Variants in UNC13D observed in about 807,000 individuals in gnomAD.
UNC13D encodes unc-13 homolog D.
A neutral mutation model predicts 151.7 loss-of-function variants in UNC13D; 115 were observed. The observed-to-expected ratio is 0.76, with a 90% CI of 0.65 to 0.88. The LOEUF is 0.88. UNC13D is among the 40% of genes least tolerant of loss of function. UNC13D has a pLI of 0.00. For missense variants in UNC13D, 1,369 were observed against 1,438.7 expected, an observed-to-expected ratio of 0.95 and a Z score of 0.78; for synonymous variants, 588 against 612.2, an observed-to-expected ratio of 0.96 and a Z score of 0.58.
intron 12 of UNC13D, among the ~76,000 whole-genome samples, chr17:75,837,690 G>T (rs1482534898): frequency 6.7e-6 from 1 of 148,282 alleles, no homozygotes; most frequent in Non-Finnish European, 1.5e-5. Context: ...GGAGGCAGAA[G>T]TTGCAGTGAG....
chr17:75,838,287 C>T (rs558081490), intron 12 of UNC13D, among the ~76,000 whole-genome samples: 74 of 151,172 alleles, frequency 4.9e-4, no homozygotes, highest in Middle Eastern at 6.8e-3. Context: ...GGTGTGATCT[C>T]AGGTCACTGC....
At position 75,830,462 on chromosome 17, in the gene UNC13D, C is replaced by T. The variant is rs770414873; in HGVS notation, c.2730G>A (p.Glu910=). 11 of 1,589,934 alleles carry T rather than the reference C, an allele frequency of 6.9e-6. 1 individual carries two copies. The South Asian group carries it at 1.3e-4, about 18-fold the overall frequency. ...IQQQAETTSE[E]LGAVTVKASY... is the part of the protein sequence containing the mutation. ...AGGCCTTGACTGTCACAGCCCCCAG[C>T]TCCTCAGAGGTGGTTTCTGCCTGGG... Residue 910 remains glutamate (E), a synonymous_variant, in exon 29 of 32, where the codon GAG becomes GAA. Transcript: ENST00000207549.
intron 31 of UNC13D, among the ~76,000 whole-genome samples, 190 bp from the exon 32 acceptor site, chr17:75,828,276 AACAG>A (rs796243426): frequency 6.6e-5 from 10 of 152,230 alleles, no homozygotes; most frequent in Admixed American, 2.6e-4. Flanking sequence ...CGGGTCGCGT[AACAG>A]ACAGAGTGCT....
Position 75,835,440 on chromosome 17 carries a change from G to A in UNC13D, c.1817C>T (p.Ala606Val), listed in dbSNP as rs750548504. 18 of 1,612,770 alleles carry A rather than the reference G, an allele frequency of 1.1e-5. No homozygotes were observed. The highest frequency in any genetic ancestry group is 1.7e-4 in the Middle Eastern group (1 of 5,984). ...CATCTGCACAGCGCGCTGCACCCGC[G>A]CCAGGGCCTCGTTGTACGTCTTCTG... is the stretch of plus-strand genomic sequence containing the variant. Reference protein sequence around the residue: ...WLQKTYNEALARVQRAVQMDE... With the variant: ...WLQKTYNEALVRVQRAVQMDE... The change falls in exon 20 of 32, where the codon GCG becomes GTG. Residue 606 changes from alanine to valine, a missense_variant. By Grantham distance (64) the Ala-to-Val change is moderately conservative. Transcript: ENST00000207549.
chr17:75,835,024 C>T lies in UNC13D; in HGVS notation c.1888G>A (p.Ala630Thr). ...LGELTKHSTS[A>T]VDLSTCFAQI... ...GCAAAGCAGGTGGATAGATCCACCG[C>T]TGATGTGCTGTGCTTGGTCAGTTCA... is the stretch of plus-strand genomic sequence containing the variant. The change falls in exon 21 of 32, where the codon GCG becomes ACG. Residue 630 changes from alanine to threonine, a missense_variant. Transcript: ENST00000207549. 6.2e-7 allele frequency: 1 copy of T among 1,614,040 alleles called. No individual in the cohort carries two copies.
At position 75,836,614 on chromosome 17, in the gene UNC13D, A is replaced by G; in HGVS notation, c.1256T>C (p.Leu419Pro). The change falls in exon 14 of 32, where the codon CTC becomes CCC. Residue 419 changes from leucine (L) to proline (P), a missense_variant. Physicochemically the swap from Leu to Pro is moderately conservative, Grantham distance 98. Coordinates refer to ENST00000207549, the MANE Select transcript of UNC13D (RefSeq NM_199242.3). Reference protein sequence around the residue: ...LIRRFRSVFPLSVSDSPARLQ... With the variant: ...LIRRFRSVFPPSVSDSPARLQ... Reference sequence around the variant, plus strand: ...CCGGGCTGGGGAGTCCGAGACAGAGAGGGGGAAGACAGAGCGGAACCTCCG... The same window carrying G: ...CCGGGCTGGGGAGTCCGAGACAGAGGGGGGGAAGACAGAGCGGAACCTCCG... The G allele has an allele frequency of 6.2e-7, 1 of 1,613,654 alleles. No homozygotes were observed. The highest frequency in any genetic ancestry group is 8.5e-7 in the Non-Finnish European group (1 of 1,179,974).
chr17:75,837,754 CAA>C (rs56040848), intron 12 of UNC13D, among the ~76,000 whole-genome samples: 7 of 125,194 alleles, frequency 5.6e-5, no homozygotes, highest in African/African-American at 6.4e-5. Context: ...AACTCCAGCT[CAA>C]AAAAAAAAAA....
chr17:75,835,751 C>G lies in UNC13D; in HGVS notation c.1623G>C (p.Thr541=), dbSNP rs977499810. 1 of 1,613,774 alleles carries G rather than the reference C, an allele frequency of 6.2e-7. No individual in the cohort carries two copies. Among genetic ancestry groups the G allele is most frequent in the Non-Finnish European group, 8.5e-7 (1 of 1,180,044 alleles). The change falls in exon 19 of 32, where the codon ACG becomes ACC. Residue 541 remains threonine, a synonymous_variant. Coordinates refer to ENST00000207549, the MANE Select transcript of UNC13D (RefSeq NM_199242.3). ...GGGACACTACATCACCCACAACCGT[C>G]GTGTGGTCCTGCACCCGCTTGGCCA... ...WLVAKRVQDH[T]TVVGDVVSPE...
In UNC13D at chr17:75,827,526, T is replaced by C; in HGVS notation, c.*439A>G. 6.5e-7 allele frequency: 1 copy of C among 1,531,438 alleles called. No homozygotes were observed. Among genetic ancestry groups the C allele is most frequent in the Non-Finnish European group, 8.7e-7 (1 of 1,143,958 alleles). 94.9% of individuals were successfully genotyped at this position (1,531,438 alleles called of 1,614,324 possible). A position where few individuals can be genotyped will look rare whatever the true frequency, so the allele number is the denominator to read the frequency against. On this transcript the variant is annotated 3_prime_UTR_variant, in exon 32 of 32. Transcript: ENST00000207549. The stretch of plus-strand genomic sequence containing the variant: ...AGCTGGAGCCTCATCTTTGGCAGGG[T>C]CCCCTCTCCCTTTTCCAGGAGACTC...
At position 75,840,845 on chromosome 17, in the gene UNC13D, G is replaced by T; in HGVS notation, c.615-15C>A. ...TGTCCAGGTCCCTGGCAGGACAGAG[G>T]TTTGAGAAGGAAGCAGAGAGAGTGC... is the stretch of plus-strand genomic sequence containing the variant. On this transcript the variant is annotated splice_polypyrimidine_tract_variant and intron_variant, in intron 7 of 31. Transcript: ENST00000207549. The surrounding 1 kb of genome is among the most constrained non-coding windows in gnomAD (Gnocchi z 4.6). 6.2e-7 allele frequency: 1 copy of T among 1,614,088 alleles called. No homozygotes were observed. Among genetic ancestry groups the T allele is most frequent in the Non-Finnish European group, 8.5e-7 (1 of 1,180,028 alleles).
In UNC13D at chr17:75,828,965, CG is replaced by C. The variant is rs755058502; in HGVS notation, c.2972del (p.Pro991ArgfsTer38). The C allele has an allele frequency of 6.2e-7, 1 of 1,604,306 alleles. No individual in the cohort carries two copies. The highest frequency in any genetic ancestry group is 2.2e-5 in the East Asian group (1 of 44,860). Reference protein sequence around the residue: ...ETFEFLVPAEPCRKAGACLLL... With the variant: ...ETFEFLVPAEXCRKAGACLLL... ...GGAGGCATGCCCCAGCCTTGCGGCA[CG>C]GCTCAGCAGGCACCAGGCTGCGGGG... On this transcript the variant is annotated frameshift_variant, in exon 31 of 32. Transcript: ENST00000207549. LOFTEE classifies it high-confidence loss of function.
In UNC13D at chr17:75,827,563, C is replaced by T; in HGVS notation, c.*402G>A. ...TTTCCAGGAGACTCTGTGCCTGTAG[C>T]CCTGGTCCCAGTGAACCTGGCCCCC... is the stretch of plus-strand genomic sequence containing the variant. On this transcript the variant is annotated 3_prime_UTR_variant, in exon 32 of 32. Transcript: ENST00000207549. 1.3e-6 allele frequency: 2 copies of T among 1,535,238 alleles called. No homozygotes were observed. Among genetic ancestry groups the T allele is most frequent in the Non-Finnish European group, 8.7e-7 (1 of 1,146,606 alleles).
At position 75,832,908 on chromosome 17, in the gene UNC13D, G is replaced by A. The variant is rs1471024564; in HGVS notation, c.2447+58C>T. ...CGGATGCTGGGGCCCAGGAAGGAGG[G>A]GCCGTGGGAGGAGAGGGGGAGGTGG... On this transcript the variant is annotated intron_variant, in intron 25 of 31. Coordinates refer to ENST00000207549, the MANE Select transcript of UNC13D (RefSeq NM_199242.3). This position sits in a 1 kb window ranked among gnomAD's most constrained non-coding sequence, Gnocchi z 4.3. The A allele has an allele frequency of 6.6e-7, 1 of 1,505,540 alleles. No individual in the cohort carries two copies. The highest frequency in any genetic ancestry group is 9.0e-7 in the Non-Finnish European group (1 of 1,106,520). 93.3% of individuals were successfully genotyped at this position (1,505,540 alleles called of 1,614,324 possible). A position where few individuals can be genotyped will look rare whatever the true frequency, so the allele number is the denominator to read the frequency against.
Position 75,833,101 on chromosome 17 carries a change from A to T in UNC13D, c.2368-56T>A. On this transcript the variant is annotated intron_variant, in intron 24 of 31. Coordinates refer to ENST00000207549, the MANE Select transcript of UNC13D (RefSeq NM_199242.3). The surrounding 1 kb of genome is among the most constrained non-coding windows in gnomAD (Gnocchi z 4.0). The stretch of plus-strand genomic sequence containing the variant: ...TCCGGCCCATGTTGGCCCCACCCCC[A>T]TCCCCTTCCCCTGACCTGGAGGGAG... The T allele has an allele frequency of 2.0e-6, 3 of 1,522,922 alleles. No homozygotes were observed. In the South Asian group the frequency reaches 3.6e-5, roughly 18 times the overall value. The allele number at this position is 1,522,922 out of a possible 1,614,324, so 94.3% of individuals were successfully genotyped here.
rs781413897 is a variant in UNC13D at position 75,844,366 on chromosome 17, C to T, written c.-29G>A. On this transcript the variant is annotated 5_prime_UTR_variant, in exon 1 of 32. Transcript: ENST00000207549. ...GGCCTTCTCTGCCCTTCCCTGTCCG[C>T]TGGTGCTGGGTGAAGACAGCGAAGC... The T allele has an allele frequency of 6.3e-7, 1 of 1,590,294 alleles. No homozygotes were observed. The highest frequency in any genetic ancestry group is 1.8e-5 in the Admixed American group (1 of 56,808).
At chr17:75,831,378 AGCACG>A (rs1567817238) in intron 25 of UNC13D, 30 bp from the exon 26 acceptor site, 8 of 1,592,148 alleles carry the variant, frequency 5.0e-6, no homozygotes, top group Non-Finnish European at 6.0e-6. Context: ...ATGCGGACAC[AGCACG>A]GCAGGGCGGT....
intron 6 of UNC13D, among the ~76,000 whole-genome samples, chr17:75,841,598 C>G (rs530500255): frequency 6.6e-6 from 1 of 150,964 alleles, no homozygotes; most frequent in Non-Finnish European, 1.5e-5. Context: ...TGCACCTCCA[C>G]GCCCGGCTAA....
In UNC13D at chr17:75,833,387, G is replaced by A. The variant is rs371412968; in HGVS notation, c.2368-342C>T. ...CGTAGGTCTTCGCTCAGTTGTCACGGCCTTCCCTGGCCACCATCTAAAAAT... is the reference window on the plus strand; with the variant it reads ...CGTAGGTCTTCGCTCAGTTGTCACGACCTTCCCTGGCCACCATCTAAAAAT... On this transcript the variant is annotated intron_variant, in intron 24 of 31. Coordinates refer to ENST00000207549, the MANE Select transcript of UNC13D (RefSeq NM_199242.3). This position sits in a 1 kb window ranked among gnomAD's most constrained non-coding sequence, Gnocchi z 4.0. 6.2e-4 allele frequency: 152 copies of A among 246,890 alleles called. 1 individual carries two copies. The highest frequency in any genetic ancestry group is 3.1e-3 in the African/African-American group (141 of 45,248). The allele number at this position is 246,890 out of a possible 1,614,324, so 15.3% of individuals were successfully genotyped here.
chr17:75,840,499 C>T lies in UNC13D; in HGVS notation c.753+8G>A. 2 of 1,614,082 alleles carry T rather than the reference C, an allele frequency of 1.2e-6. No homozygotes were observed. The highest frequency in any genetic ancestry group is 1.6e-4 in the Middle Eastern group (1 of 6,062). On this transcript the variant is annotated splice_region_variant and intron_variant, in intron 9 of 31. Transcript: ENST00000207549. This position sits in a 1 kb window ranked among gnomAD's most constrained non-coding sequence, Gnocchi z 4.6. ...TCGCTCCTGGGCCCCTTTCCTCATC[C>T]TCCTCACCTGCAGCCTCAGAACCAC...
Sources: gnomAD v4.1 joint callset for allele counts (sites outside exome capture counted in the v4.1 genomes callset) on GRCh38, gnomAD v4.1.1 for gene constraint, Gnocchi (gnomAD v3.1) non-coding constraint, MANE v1.5 for transcripts, NCBI Gene and HGNC (gene_info 2026-07-23, HGNC 2026-07-21) for gene names.